Variants in MAPK10 observed in about 807,000 individuals in gnomAD.
MAPK10 encodes the protein mitogen-activated protein kinase 10.
MAPK10 carries 25 observed loss-of-function variants against 59.3 expected under a neutral mutation model. The observed-to-expected ratio is 0.42, with a 90% CI of 0.31 to 0.59. The LOEUF is 0.59. Among genes scored for constraint, MAPK10 ranks in the 20% least tolerant of loss-of-function variants. The pLI is 0.15. For synonymous variants in MAPK10, 190 were observed against 200.5 expected (o/e 0.95, Z 0.44); for missense variants, 351 against 568.9 (o/e 0.62, Z 3.90).
chr4:86,162,847 C>T (rs1487622044), intron 3 of MAPK10, among the ~76,000 whole-genome samples: 1 of 152,050 alleles, frequency 6.6e-6, no homozygotes, highest in Admixed American at 6.6e-5. Context: ...TTCACTGGTT[C>T]TCAGATATGA....
intron 2 of MAPK10, among the ~76,000 whole-genome samples, chr4:86,302,299 C>T (rs1429731961): frequency 1.3e-5 from 2 of 152,216 alleles, no homozygotes; most frequent in African/African-American, 4.8e-5. Context: ...AGGCAAAACG[C>T]TCACTAGTTT....
At chr4:86,054,534 A>G (rs1419024589) in intron 11 of MAPK10, among the ~76,000 whole-genome samples, 1 of 152,166 alleles carries the variant, frequency 6.6e-6, no homozygotes, top group Non-Finnish European at 1.5e-5. Context: ...GAAATTTAGA[A>G]CTCCACAAAT....
At chr4:86,552,865 C>T (rs1759963732) in intron 1 of MAPK10, among the ~76,000 whole-genome samples, 1 of 152,152 alleles carries the variant, frequency 6.6e-6, no homozygotes, top group South Asian at 2.1e-4. Context: ...GGTCCCTCAG[C>T]AGTGATACTA....
intron 1 of MAPK10, among the ~76,000 whole-genome samples, chr4:86,473,962 C>A (rs1033773221): frequency 1.3e-5 from 2 of 151,880 alleles, no homozygotes; most frequent in Non-Finnish European, 2.9e-5. Context: ...CCAGCCCTGG[C>A]AACATAGTGA....
At chr4:86,204,009 A>G (rs1355558618) in intron 2 of MAPK10, among the ~76,000 whole-genome samples, 1 of 151,878 alleles carries the variant, frequency 6.6e-6, no homozygotes, top group Non-Finnish European at 1.5e-5. Flanking sequence ...GTTTTAATAA[A>G]TAAAATTGTA....
intron 2 of MAPK10, 84 bp downstream of exon 2, chr4:86,354,446 T>C (rs1249928578): frequency 1.8e-5 from 9 of 513,988 alleles, no homozygotes; most frequent in Non-Finnish European, 2.7e-5. Flanking sequence ...TCCAGCTCCA[T>C]GTACAAAACC....
chr4:86,524,257 G>A (rs949545263), intron 1 of MAPK10, among the ~76,000 whole-genome samples: 1 of 152,112 alleles, frequency 6.6e-6, no homozygotes, highest in Non-Finnish European at 1.5e-5. Flanking sequence ...CAGATATTCT[G>A]TTATGGTAAC....
At chr4:86,122,432 A>T (rs182613853) in intron 4 of MAPK10, among the ~76,000 whole-genome samples, 1 of 152,228 alleles carries the variant, frequency 6.6e-6, no homozygotes, top group East Asian at 1.9e-4. Context: ...ACCTCTTGGT[A>T]GCCATTGCTG....
intron 2 of MAPK10, among the ~76,000 whole-genome samples, chr4:86,335,597 A>T (rs1578436103): frequency 6.6e-6 from 1 of 151,900 alleles, no homozygotes; most frequent in African/African-American, 2.4e-5. Flanking sequence ...GCCATAAATA[A>T]TATAGTACTG....
At position 86,394,382 on chromosome 4, in the gene MAPK10, T is replaced by C. The variant is rs17011875; in HGVS notation, c.-121-39738A>G. Among the ~76,000 whole-genome samples, 254 of 152,316 alleles carry C rather than the reference T, an allele frequency of 1.7e-3. 5 individuals are homozygous for C. The East Asian group carries it at 0.037, about 22-fold the overall frequency. On this transcript the variant is annotated intron_variant, in intron 1 of 13. Coordinates refer to the MAPK10 transcript ENST00000361569. Reference sequence around the variant, plus strand: ...TACCAATATTTCAGAATGAAAGCTATTGTCAGTGATTTTTTAGAGAGACTA... The same window carrying C: ...TACCAATATTTCAGAATGAAAGCTACTGTCAGTGATTTTTTAGAGAGACTA...
intron 1 of MAPK10, among the ~76,000 whole-genome samples, chr4:86,552,898 A>C (rs1415038559): frequency 6.6e-6 from 1 of 151,998 alleles, no homozygotes; most frequent in East Asian, 1.9e-4. Context: ...TGCAGCTTTC[A>C]CCCGGGCTTC....
At chr4:86,282,813 A>T (rs2094861179) in intron 2 of MAPK10, among the ~76,000 whole-genome samples, 2 of 152,304 alleles carry the variant, frequency 1.3e-5, no homozygotes, top group South Asian at 4.1e-4. Flanking sequence ...AGAGGATGGA[A>T]GTCCCCTTGT....
intron 1 of MAPK10, among the ~76,000 whole-genome samples, chr4:86,449,650 A>T (rs142774348): frequency 1.3e-5 from 2 of 152,366 alleles, no homozygotes; most frequent in South Asian, 4.1e-4. Flanking sequence ...TGTGGAGGAA[A>T]CTAGGAAACT....
chr4:86,259,935 T>C (rs1563711688), intron 2 of MAPK10, among the ~76,000 whole-genome samples: 2 of 152,130 alleles, frequency 1.3e-5, no homozygotes, highest in East Asian at 1.9e-4. Context: ...CAAATAAATA[T>C]TACATATACA....
chr4:86,380,796 G>A (rs1297669222), intron 1 of MAPK10, among the ~76,000 whole-genome samples: 1 of 150,408 alleles, frequency 6.6e-6, no homozygotes, highest in African/African-American at 2.4e-5. Flanking sequence ...ACTTATGGGT[G>A]ACAGTTGTGG....
chr4:86,390,488 G>A (rs751259566), intron 1 of MAPK10, among the ~76,000 whole-genome samples: 15 of 152,196 alleles, frequency 9.9e-5, no homozygotes, highest in Non-Finnish European at 2.1e-4. Context: ...TCTACTTTGA[G>A]CTAGGGTAGG....
intron 9 of MAPK10, among the ~76,000 whole-genome samples, chr4:86,071,745 A>G (rs907442405): frequency 6.6e-6 from 1 of 150,882 alleles, no homozygotes; most frequent in Non-Finnish European, 1.5e-5. Context: ...TGTTCCATTG[A>G]TCTATATCTC....
chr4:86,231,904 T>G (rs1361637244), intron 2 of MAPK10, among the ~76,000 whole-genome samples: 1 of 152,212 alleles, frequency 6.6e-6, no homozygotes. Context: ...GCCAGGGCTA[T>G]TCTTAGAAAT....
intron 3 of MAPK10, among the ~76,000 whole-genome samples, chr4:86,190,596 C>T (rs1415155100): frequency 6.6e-6 from 1 of 152,026 alleles, no homozygotes; most frequent in Non-Finnish European, 1.5e-5. Flanking sequence ...GTGATATCCC[C>T]TTCTTCATTT....
Sources: allele counts gnomAD v4.1 joint callset (sites outside exome capture counted in the v4.1 genomes callset), GRCh38; gene constraint gnomAD v4.1.1; transcripts MANE v1.5; gene names NCBI Gene and HGNC (gene_info 2026-07-23, HGNC 2026-07-21).